The following TNRC6A variants were observed in gnomAD, a reference collection of about 807,000 sequenced individuals.
TNRC6A encodes trinucleotide repeat containing adaptor 6A, also known as trinucleotide repeat-containing gene 6A protein.
In TNRC6A, 44 loss-of-function variants were observed where a neutral mutation model predicts 221.2. That is an observed-to-expected ratio of 0.20 (90% CI 0.16 to 0.26). TNRC6A has a LOEUF of 0.26. TNRC6A is among the 10% of genes least tolerant of loss of function. The pLI is 1.00. For missense variants in TNRC6A, 2,199 were observed against 2,404.4 expected, an observed-to-expected ratio of 0.91 and a Z score of 1.79; for synonymous variants, 847 against 838.5, an observed-to-expected ratio of 1.01 and a Z score of -0.18.
intron 2 of TNRC6A, among the ~76,000 whole-genome samples, chr16:24,678,539 C>T (rs1243204514): frequency 6.6e-6 from 1 of 152,096 alleles, no homozygotes; most frequent in African/African-American, 2.4e-5. Flanking sequence ...AGTGCATGAG[C>T]TTAGAAGCGG....
Position 24,729,755 on chromosome 16 carries a change from C to A in TNRC6A, c.-87C>A. ...GTAGAAAATGGCGCTGGTGCAGCGG[C>A]TCGGGCCTCTCCCCGCGGCGCTGCG... is the stretch of plus-strand genomic sequence containing the variant. On this transcript the variant is annotated 5_prime_UTR_variant, in exon 1 of 25. Coordinates refer to ENST00000395799, the MANE Select transcript of TNRC6A (RefSeq NM_014494.4). The A allele has an allele frequency of 7.5e-7, 1 of 1,339,804 alleles. No individual in the cohort carries two copies. The highest frequency in any genetic ancestry group is 9.6e-7 in the Non-Finnish European group (1 of 1,040,984). 83.0% of individuals were successfully genotyped at this position (1,339,804 alleles called of 1,614,324 possible). A position where few individuals can be genotyped will look rare whatever the true frequency, so the allele number is the denominator to read the frequency against.
intron 11 of TNRC6A, among the ~76,000 whole-genome samples, chr16:24,800,056 G>T (rs527617071): frequency 8.5e-5 from 13 of 152,282 alleles, no homozygotes; most frequent in African/African-American, 3.1e-4. Context: ...CTCAAGGAGT[G>T]CAAAATGTCC....
At chr16:24,808,096 A>T (rs1246229573) in intron 17 of TNRC6A, among the ~76,000 whole-genome samples, 1 of 152,246 alleles carries the variant, frequency 6.6e-6, no homozygotes, top group Non-Finnish European at 1.5e-5. Flanking sequence ...TGAAGAAGCC[A>T]TTTAGTGGTG....
intron 1 of TNRC6A, among the ~76,000 whole-genome samples, chr16:24,628,778 A>G (rs979154933): frequency 2.0e-5 from 3 of 152,162 alleles, no homozygotes; most frequent in African/African-American, 4.8e-5. Flanking sequence ...CAAAAGTTAC[A>G]TGCAGATTTT....
In TNRC6A at chr16:24,771,582, T is replaced by TTATGTTGTGATGTTATGTTA; in HGVS notation, c.164-5350_164-5349insATGTTGTGATGTTATGTTAT. On this transcript the variant is annotated intron_variant, in intron 4 of 24. Coordinates refer to ENST00000395799, the MANE Select transcript of TNRC6A (RefSeq NM_014494.4). ...ATGTTTTATGTTATGTTATGTTATGTTGTTATGTTATGTTATGTTATGTTA... is the reference window on the plus strand; with the variant it reads ...ATGTTTTATGTTATGTTATGTTATGTTATGTTGTGATGTTATGTTATGTTATGTTATGTTATGTTATGTTA... Among the ~76,000 whole-genome samples, 908 of 95,496 alleles carry TTATGTTGTGATGTTATGTTA rather than the reference T, an allele frequency of 9.5e-3. 15 individuals are homozygous for TTATGTTGTGATGTTATGTTA. The highest frequency in any genetic ancestry group is 0.013 in the South Asian group (39 of 2,922). The allele number at this position is 95,496 out of a possible 152,430, so 62.6% of individuals were successfully genotyped here.
At chr16:24,617,446 C>T (rs954365145) in intron 1 of TNRC6A, among the ~76,000 whole-genome samples, 1 of 152,108 alleles carries the variant, frequency 6.6e-6, no homozygotes, top group African/African-American at 2.4e-5. Context: ...AATCCTAATG[C>T]CTAGTGTGAT....
intron 1 of TNRC6A, 64 bp from the exon 2 acceptor site, chr16:24,730,189 C>G: frequency 7.5e-7 from 1 of 1,324,906 alleles, no homozygotes; most frequent in East Asian, 4.3e-5. Flanking sequence ...GCTCCGTTTT[C>G]ACGCGCATCT....
chr16:24,704,759 T>C (rs1309371797), intron 2 of TNRC6A, among the ~76,000 whole-genome samples: 5 of 151,678 alleles, frequency 3.3e-5, no homozygotes, highest in Admixed American at 2.0e-4. Context: ...CTCACTTTTG[T>C]AGCAAATCCC....
At chr16:24,645,597 G>T (rs1477370473) in intron 2 of TNRC6A, among the ~76,000 whole-genome samples, 2 of 151,862 alleles carry the variant, frequency 1.3e-5, no homozygotes, top group Admixed American at 1.3e-4. Flanking sequence ...AAAGGATGCT[G>T]TATAAATTGA....
intron 17 of TNRC6A, among the ~76,000 whole-genome samples, chr16:24,807,580 T>C (rs746487399): frequency 3.3e-5 from 5 of 152,172 alleles, no homozygotes; most frequent in Non-Finnish European, 7.3e-5. Flanking sequence ...ATTACTGATA[T>C]AAATTTAAAA....
At chr16:24,773,290 A>G (rs2057651602) in intron 4 of TNRC6A, among the ~76,000 whole-genome samples, 2 of 152,156 alleles carry the variant, frequency 1.3e-5, no homozygotes, top group South Asian at 4.2e-4. Context: ...TTTCTTGGTA[A>G]CCCTGTAATT....
At chr16:24,618,961 A>C (rs1900528034) in intron 1 of TNRC6A, among the ~76,000 whole-genome samples, 2 of 152,130 alleles carry the variant, frequency 1.3e-5, no homozygotes, top group African/African-American at 4.8e-5. Flanking sequence ...ATAGTACAGT[A>C]GTTCATATAT....
intron 2 of TNRC6A, among the ~76,000 whole-genome samples, chr16:24,666,302 AC>A (rs2055158502): frequency 6.6e-6 from 1 of 151,798 alleles, no homozygotes; most frequent in Non-Finnish European, 1.5e-5. Flanking sequence ...CCCCATCTCT[AC>A]TAAAAATACA....
chr16:24,738,275 A>T (rs1168950647), intron 2 of TNRC6A, among the ~76,000 whole-genome samples: 1 of 152,180 alleles, frequency 6.6e-6, no homozygotes, highest in East Asian at 1.9e-4. Context: ...ACTTTTAAAT[A>T]ACAGCTTTAT....
At chr16:24,764,217 A>G (rs1218277222) in intron 4 of TNRC6A, among the ~76,000 whole-genome samples, 1 of 151,834 alleles carries the variant, frequency 6.6e-6, no homozygotes, top group African/African-American at 2.4e-5. Flanking sequence ...TCTGGCTTAC[A>G]TCACTCAATG....
At chr16:24,687,128 C>G (rs2055642240) in intron 2 of TNRC6A, among the ~76,000 whole-genome samples, 1 of 152,134 alleles carries the variant, frequency 6.6e-6, no homozygotes, top group South Asian at 2.1e-4. Flanking sequence ...CTCACGGAAC[C>G]CTGTGAGTCC....
rs2058701912 is a variant in TNRC6A, at chr16:24,818,589, A to T, written c.4973-4A>T. 6.2e-7 allele frequency: 1 copy of T among 1,613,514 alleles called. No homozygotes were observed. The highest frequency in any genetic ancestry group is 8.5e-7 in the Non-Finnish European group (1 of 1,179,552). Reference sequence around the variant, plus strand: ...GTGGCTGATTGGACTCTTCCCCCACACAGGGTCATCCTCATCCTTGAACAC... The same window carrying T: ...GTGGCTGATTGGACTCTTCCCCCACTCAGGGTCATCCTCATCCTTGAACAC... On this transcript the variant is annotated splice_polypyrimidine_tract_variant and splice_region_variant and intron_variant, in intron 20 of 24. Transcript: ENST00000395799.
chr16:24,704,682 A>G (rs992241685), intron 2 of TNRC6A, among the ~76,000 whole-genome samples: 33 of 144,590 alleles, frequency 2.3e-4, no homozygotes, highest in Middle Eastern at 3.6e-3. Context: ...AAAAAAAAAA[A>G]AAAAAAAAAA....
chr16:24,705,607 C>T (rs1403900579), intron 2 of TNRC6A, among the ~76,000 whole-genome samples: 1 of 152,224 alleles, frequency 6.6e-6, no homozygotes, highest in African/African-American at 2.4e-5. Flanking sequence ...GCTGGGATTA[C>T]AGGCATGAGT....
Sources: allele counts gnomAD v4.1 joint callset (sites outside exome capture counted in the v4.1 genomes callset), GRCh38; gene constraint gnomAD v4.1.1; transcripts MANE v1.5; gene names NCBI Gene and HGNC (gene_info 2026-07-23, HGNC 2026-07-21).